AOPEP: variants seen among roughly 807,000 people sequenced by gnomAD.
The protein encoded by AOPEP is aminopeptidase O (putative), also known as aminopeptidase O.
AOPEP carries 77 observed loss-of-function variants against 98.1 expected under a neutral mutation model. The observed-to-expected ratio is 0.78, with a 90% CI of 0.65 to 0.95. The LOEUF is 0.95. AOPEP is among the 40% of genes least tolerant of loss of function. AOPEP has a pLI of 0.00. For missense variants in AOPEP, 1,024 were observed against 1,024.7 expected, an observed-to-expected ratio of 1.00 and a Z score of 0.01; for synonymous variants, 346 against 365.3, an observed-to-expected ratio of 0.95 and a Z score of 0.60.
intron 11 of AOPEP, among the ~76,000 whole-genome samples, chr9:94,996,383 TG>T (rs1564498084): frequency 7.0e-5 from 10 of 142,860 alleles, no homozygotes; most frequent in African/African-American, 2.6e-4. Context: ...TGTGTGTGTG[TG>T]TGTGTGTGAG....
At chr9:95,024,865 A>G (rs1564538998) in intron 13 of AOPEP, among the ~76,000 whole-genome samples, 2 of 152,146 alleles carry the variant, frequency 1.3e-5, no homozygotes, top group Admixed American at 6.5e-5. Flanking sequence ...TTTCTATCAG[A>G]TTGGCCCTCT....
At chr9:95,028,520 G>A (rs1162579062) in intron 13 of AOPEP, among the ~76,000 whole-genome samples, 1 of 152,248 alleles carries the variant, frequency 6.6e-6, no homozygotes, top group Non-Finnish European at 1.5e-5. Context: ...TATGTACACA[G>A]TTTTAATATT....
At chr9:94,815,630 T>TG (rs1411001380) in intron 5 of AOPEP, among the ~76,000 whole-genome samples, 6 of 152,144 alleles carry the variant, frequency 3.9e-5, no homozygotes, top group Non-Finnish European at 8.8e-5. Context: ...GGACAGCATC[T>TG]GGGTGGGCTC....
At chr9:94,829,565 G>T (rs1327038042) in intron 5 of AOPEP, among the ~76,000 whole-genome samples, 1 of 152,192 alleles carries the variant, frequency 6.6e-6, no homozygotes, top group Non-Finnish European at 1.5e-5. Context: ...TGATGCCAGG[G>T]TACGGGGCAG....
chr9:94,876,428 C>T (rs546910838), intron 5 of AOPEP, among the ~76,000 whole-genome samples: 10 of 151,098 alleles, frequency 6.6e-5, no homozygotes, highest in East Asian at 2.0e-4. Context: ...TGCAATGGCG[C>T]GATCTTGGCT....
intron 16 of AOPEP, among the ~76,000 whole-genome samples, chr9:95,084,326 T>C (rs992219417): frequency 5.3e-5 from 8 of 152,134 alleles, no homozygotes; most frequent in Admixed American, 4.6e-4. Flanking sequence ...AAATAAAAAG[T>C]TTTTCAGAAG....
At chr9:95,068,003 C>T (rs1391799031) in intron 14 of AOPEP, among the ~76,000 whole-genome samples, 2 of 152,166 alleles carry the variant, frequency 1.3e-5, no homozygotes, top group Non-Finnish European at 2.9e-5. Context: ...TTCTTTGTAG[C>T]ATATATCATT....
chr9:95,065,757 C>A (rs2067821692), intron 14 of AOPEP, among the ~76,000 whole-genome samples: 1 of 152,224 alleles, frequency 6.6e-6, no homozygotes, highest in Admixed American at 6.5e-5. Context: ...GCCACCTCCA[C>A]CTGGCAACCC....
chr9:94,994,982 C>A (rs1367685993), intron 11 of AOPEP, among the ~76,000 whole-genome samples: 1 of 152,150 alleles, frequency 6.6e-6, no homozygotes, highest in Non-Finnish European at 1.5e-5. Flanking sequence ...TCAAATTTCA[C>A]TTTGTGATAT....
chr9:94,951,076 G>T (rs2058071109), intron 7 of AOPEP, among the ~76,000 whole-genome samples: 1 of 152,240 alleles, frequency 6.6e-6, no homozygotes, highest in South Asian at 2.1e-4. Context: ...CTCAGTTGTT[G>T]CATTTGGTGC....
intron 5 of AOPEP, among the ~76,000 whole-genome samples, chr9:94,875,464 G>GA (rs1359977560): frequency 6.6e-6 from 1 of 151,510 alleles, no homozygotes; most frequent in Non-Finnish European, 1.5e-5. Flanking sequence ...CCAGAAAAAG[G>GA]AAAGTGATAC....
chr9:95,083,321 CCACA>C (rs1564619123), intron 16 of AOPEP, among the ~76,000 whole-genome samples: 1 of 150,712 alleles, frequency 6.6e-6, no homozygotes, highest in South Asian at 2.1e-4. Flanking sequence ...AGAGGACGCA[CCACA>C]CAGAGCACGC....
At chr9:94,783,340 G>T (rs1843693818) in intron 3 of AOPEP, among the ~76,000 whole-genome samples, 1 of 152,218 alleles carries the variant, frequency 6.6e-6, no homozygotes, top group Non-Finnish European at 1.5e-5. Context: ...AGCCTTGCTG[G>T]GTAGCATCAG....
the AOPEP span, among the ~76,000 whole-genome samples, chr9:95,144,468 G>A: frequency 3.3e-5 from 5 of 152,192 alleles, no homozygotes; most frequent in Admixed American, 6.5e-5. Context: ...TGCCCTCAGC[G>A]TCCCTCTGAG....
At chr9:95,012,138 A>AG (rs918638900) in intron 13 of AOPEP, among the ~76,000 whole-genome samples, 3 of 152,222 alleles carry the variant, frequency 2.0e-5, no homozygotes, top group Non-Finnish European at 4.4e-5. Flanking sequence ...GAAAGGGGTG[A>AG]GGTGTAAAGA....
chr9:95,038,453 A>G (rs902314040), intron 13 of AOPEP, among the ~76,000 whole-genome samples: 4 of 152,220 alleles, frequency 2.6e-5, no homozygotes, highest in African/African-American at 9.6e-5. Context: ...GCCTAATGAT[A>G]TAAACCATGT....
intron 5 of AOPEP, among the ~76,000 whole-genome samples, chr9:94,881,276 T>A (rs113794202): frequency 7.2e-4 from 109 of 151,516 alleles, no homozygotes; most frequent in African/African-American, 2.5e-3. Context: ...ACACAGGATC[T>A]GTCTTAGGCT....
rs2053968385 is a variant in AOPEP, at chr9:94,924,022, A to G, written c.1401A>G (p.Thr467=). 3.0e-5 allele frequency: 45 copies of G among 1,491,524 alleles called. No individual in the cohort carries two copies. Among genetic ancestry groups the G allele is most frequent in the East Asian group, 1.1e-4 (4 of 37,348 alleles). The allele number at this position is 1,491,524 out of a possible 1,614,324, so 92.4% of individuals were successfully genotyped here. A position where few individuals can be genotyped will look rare whatever the true frequency, so the allele number is the denominator to read the frequency against. ...TGTTCCTCTCTCAGAGCATCTTGAC[A>G]GGAGGGAACCATCTCTGTGGGACCC... ...HIMFLSQSIL[T]GGNHLCGTRL... is the part of the protein sequence containing the mutation. The change falls in exon 6 of 17, where the codon ACA becomes ACG. Residue 467 remains threonine (T), a synonymous_variant. Transcript: ENST00000375315.
At chr9:94,834,151 T>C (rs2134547282) in intron 5 of AOPEP, among the ~76,000 whole-genome samples, 1 of 152,292 alleles carries the variant, frequency 6.6e-6, no homozygotes, top group East Asian at 1.9e-4. Context: ...AATATCTGCT[T>C]ACCAATTTAC....
Sources: allele counts gnomAD v4.1 joint callset (sites outside exome capture counted in the v4.1 genomes callset), GRCh38; gene constraint gnomAD v4.1.1; transcripts MANE v1.5; gene names NCBI Gene and HGNC (gene_info 2026-07-23, HGNC 2026-07-21).